JADE1: variants seen among roughly 807,000 people sequenced by gnomAD.
JADE1 encodes protein Jade-1.
Under a neutral mutation model 81.8 loss-of-function variants are expected in JADE1, and 14 were observed. The ratio of observed to expected loss-of-function variants is 0.17; its 90% confidence interval spans 0.11 to 0.27. The LOEUF (loss-of-function observed/expected upper bound fraction) is 0.27. JADE1 is among the 10% of genes least tolerant of loss of function. JADE1 has a pLI of 1.00. For missense variants in JADE1, 690 were observed against 1,047.9 expected (o/e 0.66, Z 4.71); for synonymous variants, 353 against 391.9 (o/e 0.90, Z 1.17).
At chr4:128,835,209 A>G (rs1263807162) in intron 2 of JADE1, among the ~76,000 whole-genome samples, 1 of 152,226 alleles carries the variant, frequency 6.6e-6, no homozygotes, top group African/African-American at 2.4e-5. Context: ...TTGCTAGTAG[A>G]AGGTTGGCTG....
chr4:128,824,234 C>T (rs777206215), intron 1 of JADE1, among the ~76,000 whole-genome samples: 11 of 151,866 alleles, frequency 7.2e-5, no homozygotes, highest in Non-Finnish European at 1.3e-4. Flanking sequence ...CTGGCTAACA[C>T]GGTGAAACCC....
At chr4:128,870,203 A>T (rs1228788367) in intron 10 of JADE1, among the ~76,000 whole-genome samples, 2 of 152,190 alleles carry the variant, frequency 1.3e-5, no homozygotes, top group Non-Finnish European at 2.9e-5. Flanking sequence ...GATTCTAATG[A>T]TTGATTCTTG....
rs1222740367 is a variant in JADE1 at position 128,872,741 on chromosome 4, A to G, written c.*479A>G. 1.4e-5 allele frequency: 4 copies of G among 294,902 alleles called. No individual in the cohort carries two copies. The highest frequency in any genetic ancestry group is 7.0e-6 in the Non-Finnish European group (1 of 143,476). The allele number at this position is 294,902 out of a possible 1,614,324, so 18.3% of individuals were successfully genotyped here. A position where few individuals can be genotyped will look rare whatever the true frequency, so the allele number is the denominator to read the frequency against. ...AAATCATATTTATATTTGGCCCTCAAGGCTATTTTTGTTGCATTATAGCAT... is the reference window on the plus strand; with the variant it reads ...AAATCATATTTATATTTGGCCCTCAGGGCTATTTTTGTTGCATTATAGCAT... On this transcript the variant is annotated 3_prime_UTR_variant, in exon 11 of 11. Coordinates refer to ENST00000226319, the MANE Select transcript of JADE1 (RefSeq NM_199320.4).
intron 1 of JADE1, among the ~76,000 whole-genome samples, chr4:128,812,732 C>T (rs1726584213): frequency 6.6e-6 from 1 of 152,270 alleles, no homozygotes; most frequent in African/African-American, 2.4e-5. Flanking sequence ...ATCCGGAGAC[C>T]GTTTAAAAGG....
chr4:128,836,743 T>C (rs868859587), intron 2 of JADE1, among the ~76,000 whole-genome samples: 3,335 of 151,296 alleles, frequency 0.022, 109 homozygotes, highest in African/African-American at 0.073. Flanking sequence ...CACTGTTTTT[T>C]TTTTTTTTTT....
intron 8 of JADE1, 74 bp from the exon 9 acceptor site, chr4:128,861,630 C>T (rs1303357784): frequency 1.3e-6 from 2 of 1,518,820 alleles, no homozygotes; most frequent in South Asian, 1.2e-5. Flanking sequence ...ACATGGGGTG[C>T]CTAGCACTGC....
intron 1 of JADE1, among the ~76,000 whole-genome samples, chr4:128,815,912 G>A (rs1726986663): frequency 6.6e-6 from 1 of 152,056 alleles, no homozygotes; most frequent in Non-Finnish European, 1.5e-5. Flanking sequence ...GGCATTAAGA[G>A]GTTTAGCTTG....
At position 128,846,700 on chromosome 4, in the gene JADE1, A is replaced by G. The variant is rs1401771693; in HGVS notation, c.296+168A>G. Among the ~76,000 whole-genome samples, 4 of 152,230 alleles carry G rather than the reference A, an allele frequency of 2.6e-5. No individual in the cohort carries two copies. Among genetic ancestry groups the G allele is most frequent in the East Asian group, 1.9e-4 (1 of 5,204 alleles). On this transcript the variant is annotated intron_variant, in intron 4 of 10. Transcript: ENST00000226319. This position sits in a 1 kb window ranked among gnomAD's most constrained non-coding sequence, Gnocchi z 4.0. ...TAGAAATTCAGGAGCAACATACTTC[A>G]GGCATACAGGGTAGTGGTTTTGAGG...
chr4:128,810,921 C>A (rs139941718), intron 1 of JADE1, among the ~76,000 whole-genome samples: 1 of 152,250 alleles, frequency 6.6e-6, no homozygotes, highest in Non-Finnish European at 1.5e-5. Flanking sequence ...AAGGGGATTG[C>A]AAATTGCAAC....
chr4:128,818,036 GAA>G (rs1727195667), intron 1 of JADE1, among the ~76,000 whole-genome samples: 1 of 152,102 alleles, frequency 6.6e-6, no homozygotes. Context: ...TTTCTTTTGA[GAA>G]AAACCCACTG....
intron 1 of JADE1, among the ~76,000 whole-genome samples, chr4:128,830,098 G>A (rs1421831537): frequency 1.3e-5 from 2 of 149,802 alleles, no homozygotes; most frequent in African/African-American, 4.9e-5. Context: ...GGCTGGTCTC[G>A]AACTGCTGAC....
chr4:128,855,558 GAAT>G, intron 6 of JADE1, 69 bp from the exon 7 acceptor site: 1 of 1,393,112 alleles, frequency 7.2e-7, no homozygotes, highest in Non-Finnish European at 9.6e-7. Context: ...TGTTTAAAAT[GAAT>G]AGATATAATG....
At chr4:128,856,762 G>A (rs1169800665) in intron 7 of JADE1, among the ~76,000 whole-genome samples, 1 of 152,156 alleles carries the variant, frequency 6.6e-6, no homozygotes, top group Non-Finnish European at 1.5e-5. Flanking sequence ...TTTGGATTGA[G>A]GTTTCATGAT....
intron 9 of JADE1, among the ~76,000 whole-genome samples, chr4:128,867,290 C>T (rs1731852023): frequency 6.6e-6 from 1 of 152,186 alleles, no homozygotes; most frequent in Non-Finnish European, 1.5e-5. Context: ...GTGCAGTTGA[C>T]AAAGACATTT....
At chr4:128,857,500 T>C (rs1730893386) in intron 8 of JADE1, 46 bp downstream of exon 8, 1 of 1,425,686 alleles carries the variant, frequency 7.0e-7, no homozygotes, top group Admixed American at 1.7e-5. Context: ...TCCTGCGTGG[T>C]GGGGAGCAGG....
At chr4:128,842,858 T>A (rs1165841292) in intron 2 of JADE1, 95 bp from the exon 3 acceptor site, 2 of 1,016,830 alleles carry the variant, frequency 2.0e-6, no homozygotes, top group Non-Finnish European at 1.5e-6. Context: ...AGTGCTGAGG[T>A]GAGCCTGGGA....
At chr4:128,864,280 TG>T in intron 9 of JADE1, 1 of 480,350 alleles carries the variant, frequency 2.1e-6, no homozygotes, top group Non-Finnish European at 2.7e-6. Context: ...CATGAGTAGC[TG>T]GGATTACAGG....
At chr4:128,811,354 C>T (rs1579071236) in intron 1 of JADE1, 1 of 152,304 alleles carries the variant, frequency 6.6e-6, no homozygotes, top group African/African-American at 2.4e-5. Flanking sequence ...GGTGCCTCAA[C>T]TTCCGCGGGC....
intron 9 of JADE1, among the ~76,000 whole-genome samples, chr4:128,866,131 G>A (rs1318309369): frequency 6.6e-6 from 1 of 152,200 alleles, no homozygotes; most frequent in Non-Finnish European, 1.5e-5. Flanking sequence ...CCAAGTTGGT[G>A]AGAATTTCTA....
Sources: gnomAD v4.1 joint callset for allele counts (sites outside exome capture counted in the v4.1 genomes callset) on GRCh38, gnomAD v4.1.1 for gene constraint, Gnocchi (gnomAD v3.1) non-coding constraint, MANE v1.5 for transcripts, NCBI Gene and HGNC (gene_info 2026-07-23, HGNC 2026-07-21) for gene names.